Variants in GMDS observed in about 807,000 individuals in gnomAD.
GMDS encodes GDP-mannose 4,6-dehydratase.
A neutral mutation model predicts 49.9 loss-of-function variants in GMDS; 20 were observed. The ratio of observed to expected loss-of-function variants is 0.40; its 90% confidence interval spans 0.28 to 0.58. The LOEUF is 0.58. Ranked by LOEUF, GMDS falls within the 20% of genes least tolerant of loss-of-function variation. GMDS has a pLI of 0.42. For missense variants in GMDS, 362 were observed against 481.4 expected, an observed-to-expected ratio of 0.75 and a Z score of 2.32; for synonymous variants, 177 against 178.6, an observed-to-expected ratio of 0.99 and a Z score of 0.07.
intron 10 of GMDS, 100 bp from the exon 11 acceptor site, chr6:1,624,331 G>A (rs1762778645): frequency 7.6e-7 from 1 of 1,311,752 alleles, no homozygotes; most frequent in Non-Finnish European, 1.1e-6. Context: ...CGCGTCCCTC[G>A]TTCCAGCTCC....
intron 7 of GMDS, among the ~76,000 whole-genome samples, chr6:1,886,778 T>G (rs1759627338): frequency 1.3e-5 from 2 of 152,216 alleles, no homozygotes; most frequent in Admixed American, 6.5e-5. Context: ...AATATTAAAC[T>G]TTTTTTCCAG....
intron 4 of GMDS, among the ~76,000 whole-genome samples, chr6:2,089,085 C>T (rs1041902438): frequency 2.0e-5 from 3 of 152,152 alleles, no homozygotes; most frequent in South Asian, 2.1e-4. Context: ...TCTCAAACAG[C>T]GTATAGATTC....
At chr6:1,649,240 G>A (rs1462874438) in intron 9 of GMDS, among the ~76,000 whole-genome samples, 3 of 152,130 alleles carry the variant, frequency 2.0e-5, no homozygotes, top group Non-Finnish European at 4.4e-5. Context: ...GAAGACATTA[G>A]CCGATTACTC....
intron 7 of GMDS, among the ~76,000 whole-genome samples, chr6:1,848,949 ACTG>A (rs1757536209): frequency 6.6e-6 from 1 of 152,098 alleles, no homozygotes. Flanking sequence ...CTTTCCTGTG[ACTG>A]CAGGATGTGT....
intron 4 of GMDS, among the ~76,000 whole-genome samples, chr6:2,049,841 A>G (rs1399177653): frequency 6.6e-6 from 1 of 152,266 alleles, no homozygotes; most frequent in African/African-American, 2.4e-5. Context: ...GAGAACAAAG[A>G]CACAATGTAC....
At chr6:1,872,884 A>G (rs779751421) in intron 7 of GMDS, among the ~76,000 whole-genome samples, 4 of 152,268 alleles carry the variant, frequency 2.6e-5, no homozygotes, top group Non-Finnish European at 5.9e-5. Context: ...GCTGTTTACA[A>G]GTTTTCAGTC....
At chr6:2,015,222 T>A (rs1363189065) in intron 4 of GMDS, among the ~76,000 whole-genome samples, 1 of 152,148 alleles carries the variant, frequency 6.6e-6, no homozygotes, top group Non-Finnish European at 1.5e-5. Flanking sequence ...TAATTGATAT[T>A]TACTGATTAC....
At chr6:2,063,265 T>G (rs1180759680) in intron 4 of GMDS, among the ~76,000 whole-genome samples, 1 of 152,256 alleles carries the variant, frequency 6.6e-6, no homozygotes, top group East Asian at 1.9e-4. Context: ...CCTGTTGTAA[T>G]AGTATACTCT....
At chr6:1,641,167 C>T (rs1345843440) in intron 9 of GMDS, among the ~76,000 whole-genome samples, 1 of 152,166 alleles carries the variant, frequency 6.6e-6, no homozygotes, top group East Asian at 1.9e-4. Context: ...GGACTGGACT[C>T]ATTTTGGGAC....
At chr6:2,219,208 A>G (rs1325396874) in intron 1 of GMDS, among the ~76,000 whole-genome samples, 1 of 152,238 alleles carries the variant, frequency 6.6e-6, no homozygotes, top group African/African-American at 2.4e-5. Flanking sequence ...TTGCATCTTT[A>G]TATTTTAAAT....
intron 4 of GMDS, among the ~76,000 whole-genome samples, chr6:2,102,283 A>G (rs1358852928): frequency 6.6e-6 from 1 of 152,138 alleles, no homozygotes; most frequent in Non-Finnish European, 1.5e-5. Context: ...AAGCAAATTG[A>G]AAAAAATGTT....
intron 7 of GMDS, among the ~76,000 whole-genome samples, chr6:1,765,522 A>C (rs985674578): frequency 6.6e-6 from 1 of 152,204 alleles, no homozygotes; most frequent in Non-Finnish European, 1.5e-5. Context: ...CAGTGAAGAT[A>C]ATCAGAAGGA....
intron 9 of GMDS, among the ~76,000 whole-genome samples, chr6:1,655,628 T>C (rs1422665596): frequency 6.6e-6 from 1 of 151,948 alleles, no homozygotes; most frequent in African/African-American, 2.4e-5. Flanking sequence ...CTCAGCCTCC[T>C]GAGTAGCTGG....
At chr6:1,932,701 C>T (rs1221740313) in intron 6 of GMDS, among the ~76,000 whole-genome samples, 1 of 151,950 alleles carries the variant, frequency 6.6e-6, no homozygotes, top group African/African-American at 2.4e-5. Flanking sequence ...CCACGCCCAG[C>T]TAATTTTTTG....
At chr6:1,750,556 T>C (rs1313170800) in intron 7 of GMDS, among the ~76,000 whole-genome samples, 1 of 152,186 alleles carries the variant, frequency 6.6e-6, no homozygotes, top group Admixed American at 6.5e-5. Flanking sequence ...CCGGCCCAGA[T>C]ACTACGCTTT....
chr6:1,906,890 A>G (rs1194673919), intron 7 of GMDS, among the ~76,000 whole-genome samples: 3 of 152,178 alleles, frequency 2.0e-5, no homozygotes, highest in African/African-American at 4.8e-5. Flanking sequence ...ATAACACTTT[A>G]CATAGCAGGA....
At chr6:1,976,231 G>A (rs1764893109) in intron 4 of GMDS, among the ~76,000 whole-genome samples, 1 of 152,136 alleles carries the variant, frequency 6.6e-6, no homozygotes, top group Non-Finnish European at 1.5e-5. Flanking sequence ...TAGAAAAGAA[G>A]GTTGTCTTCA....
chr6:2,043,707 A>G (rs1769825113), intron 4 of GMDS, among the ~76,000 whole-genome samples: 1 of 152,246 alleles, frequency 6.6e-6, no homozygotes, highest in Non-Finnish European at 1.5e-5. Context: ...CCTGTGAGAT[A>G]AAAAATAAAC....
At chr6:1,863,218 G>A (rs1758276983) in intron 7 of GMDS, among the ~76,000 whole-genome samples, 1 of 152,152 alleles carries the variant, frequency 6.6e-6, no homozygotes. Context: ...CTTAGGAGGT[G>A]TTAAAATCAC....
Sources: gnomAD v4.1 joint callset for allele counts (sites outside exome capture counted in the v4.1 genomes callset) on GRCh38, gnomAD v4.1.1 for gene constraint, MANE v1.5 for transcripts, NCBI Gene and HGNC (gene_info 2026-07-23, HGNC 2026-07-21) for gene names.